TMEM8B: variants seen among roughly 807,000 people sequenced by gnomAD.
TMEM8B encodes nasopharyngeal carcinoma expressed 6.
A neutral mutation model predicts 49.3 loss-of-function variants in TMEM8B; 29 were observed. The ratio of observed to expected loss-of-function variants is 0.59; its 90% CI spans 0.44 to 0.80. The LOEUF is 0.80. Ranked by LOEUF, TMEM8B falls within the 30% of genes least tolerant of loss-of-function variation. TMEM8B has a pLI of 0.00. For missense variants in TMEM8B, 575 were observed against 658.5 expected, an observed-to-expected ratio of 0.87 and a Z score of 1.39; for synonymous variants, 264 against 272.8, an observed-to-expected ratio of 0.97 and a Z score of 0.32.
intron 3 of TMEM8B, among the ~76,000 whole-genome samples, chr9:35,836,673 G>T (rs754605887): frequency 1.3e-5 from 2 of 152,184 alleles, no homozygotes; most frequent in Non-Finnish European, 2.9e-5. Flanking sequence ...TGATTCAAGT[G>T]CCCAGACCAA....
rs1829593757 is a variant in TMEM8B at position 35,829,344 on chromosome 9, G to A, written c.-104G>A. 1 of 365,420 alleles carries A rather than the reference G, an allele frequency of 2.7e-6. No homozygotes were observed. Among genetic ancestry groups the A allele is most frequent in the South Asian group, 1.4e-4 (1 of 7,088 alleles). 22.6% of individuals were successfully genotyped at this position (365,420 alleles called of 1,614,324 possible). A position where few individuals can be genotyped will look rare whatever the true frequency, so the allele number is the denominator to read the frequency against. On this transcript the variant is annotated 5_prime_UTR_variant, in exon 1 of 13. Transcript: ENST00000643932. ...GGTCCCCGGCCCCCGCCCCGGGCCC[G>A]CGAGGACACCGGAGGCCACCCCCCG...
chr9:35,847,823 G>A (rs1831756863), intron 10 of TMEM8B, among the ~76,000 whole-genome samples: 1 of 152,160 alleles, frequency 6.6e-6, no homozygotes, highest in Non-Finnish European at 1.5e-5. Flanking sequence ...TTATAAGCAA[G>A]CGTCCAGAAA....
rs1832528064 is a variant in TMEM8B at position 35,855,973 on chromosome 9, C to T, written c.*2133C>T. The T allele has an allele frequency of 1.3e-5, 2 of 152,102 alleles. No homozygotes were observed. Among genetic ancestry groups the T allele is most frequent in the African/African-American group, 4.8e-5 (2 of 41,394 alleles). The allele number at this position is 152,102 out of a possible 1,614,324, so 9.4% of individuals were successfully genotyped here. A position where few individuals can be genotyped will look rare whatever the true frequency, so the allele number is the denominator to read the frequency against. The stretch of plus-strand genomic sequence containing the variant: ...GCCAGGTCACTGGGATGCTTGAACC[C>T]AAATAGCTGGGATTCTGGACAGAGT... On this transcript the variant is annotated 3_prime_UTR_variant, in exon 13 of 13. Coordinates refer to ENST00000643932, the MANE Select transcript of TMEM8B (RefSeq NM_001042590.4).
At chr9:35,836,515 T>C (rs1411810316) in intron 3 of TMEM8B, among the ~76,000 whole-genome samples, 1 of 152,164 alleles carries the variant, frequency 6.6e-6, no homozygotes, top group African/African-American at 2.4e-5. Flanking sequence ...CCTTTCTAGG[T>C]GAGCAGGAAC....
chr9:35,846,187 G>A (rs1442437248), intron 7 of TMEM8B, 71 bp from the exon 8 acceptor site: 1 of 1,607,560 alleles, frequency 6.2e-7, no homozygotes, highest in Non-Finnish European at 8.5e-7. Context: ...CGGGAAGTGG[G>A]AGCAGGTGGG....
intron 10 of TMEM8B, among the ~76,000 whole-genome samples, chr9:35,848,235 G>A (rs536595734): frequency 1.3e-5 from 2 of 152,300 alleles, no homozygotes; most frequent in African/African-American, 4.8e-5. Context: ...TTTAAGCTGG[G>A]TGAGAAGCAT....
chr9:35,847,206 G>T lies in TMEM8B; in HGVS notation c.2175+211G>T, dbSNP rs768663338. On this transcript the variant is annotated intron_variant, in intron 10 of 12. Coordinates refer to ENST00000643932, the MANE Select transcript of TMEM8B (RefSeq NM_001042590.4). ...TTGGAGTAAATGAACAAAACTGTTT[G>T]CAACTTAATAAAGTAAGTTTGGGCC... 5 of 1,531,768 alleles carry T rather than the reference G, an allele frequency of 3.3e-6. No homozygotes were observed. In the South Asian group the frequency reaches 5.6e-5, roughly 17 times the overall value. The allele number at this position is 1,531,768 out of a possible 1,614,324, so 94.9% of individuals were successfully genotyped here. A position where few individuals can be genotyped will look rare whatever the true frequency, so the allele number is the denominator to read the frequency against.
At chr9:35,839,910 G>A (rs1171555000) in intron 3 of TMEM8B, among the ~76,000 whole-genome samples, 1 of 152,200 alleles carries the variant, frequency 6.6e-6, no homozygotes, top group Non-Finnish European at 1.5e-5. Flanking sequence ...CACTGGGGAT[G>A]CAAAAGGCAC....
intron 6 of TMEM8B, chr9:35,845,328 C>T: frequency 1.1e-6 from 1 of 895,766 alleles, no homozygotes; most frequent in South Asian, 5.1e-5. Flanking sequence ...TTCCCTCAGG[C>T]ATTTATTATA....
At position 35,842,868 on chromosome 9, in the gene TMEM8B, T is replaced by C; in HGVS notation, c.1635+151T>C. On this transcript the variant is annotated intron_variant, in intron 6 of 12. Coordinates refer to ENST00000643932, the MANE Select transcript of TMEM8B (RefSeq NM_001042590.4). The surrounding 1 kb of genome is among the most constrained non-coding windows in gnomAD (Gnocchi z 5.6). ...TAGGGACCATGGCTCAGCCCAATTC[T>C]GGTCAACAAACATGTCCTGAGTATT... 1.3e-6 allele frequency: 1 copy of C among 768,254 alleles called. No individual in the cohort carries two copies. The highest frequency in any genetic ancestry group is 2.0e-6 in the Non-Finnish European group (1 of 496,572). The allele number at this position is 768,254 out of a possible 1,614,324, so 47.6% of individuals were successfully genotyped here. A position where few individuals can be genotyped will look rare whatever the true frequency, so the allele number is the denominator to read the frequency against.
intron 6 of TMEM8B, among the ~76,000 whole-genome samples, chr9:35,843,038 T>C (rs1831178499): frequency 6.6e-6 from 1 of 152,204 alleles, no homozygotes; most frequent in Admixed American, 6.5e-5. Context: ...ATGGGGAGTT[T>C]ACCACCTCTT....
Position 35,829,536 on chromosome 9 carries a change from C to T in TMEM8B, c.89C>T (p.Pro30Leu), listed in dbSNP as rs887741413. 4 of 398,736 alleles carry T rather than the reference C, an allele frequency of 1.0e-5. No homozygotes were observed. The highest frequency in any genetic ancestry group is 8.3e-5 in the African/African-American group (4 of 48,384). The allele number at this position is 398,736 out of a possible 1,614,324, so 24.7% of individuals were successfully genotyped here. A position where few individuals can be genotyped will look rare whatever the true frequency, so the allele number is the denominator to read the frequency against. The change falls in exon 1 of 13, where the codon CCC becomes CTC. Residue 30 changes from proline to leucine, a missense_variant. Physicochemically the swap from Pro to Leu is moderately conservative, Grantham distance 98. Transcript: ENST00000643932. ...CCCTCGCCCCGCTTCCCACATCGGCCCCAGCCCCTGCCTGGGTCCCCATCC... is the reference window on the plus strand; with the variant it reads ...CCCTCGCCCCGCTTCCCACATCGGCTCCAGCCCCTGCCTGGGTCCCCATCC... ...APPSPRFPHR[P>L]QPLPGSPSRT...
chr9:35,845,947 G>T (rs769586157), intron 6 of TMEM8B, 28 bp from the exon 7 acceptor site: 1 of 1,612,056 alleles, frequency 6.2e-7, no homozygotes, highest in African/African-American at 1.3e-5. Context: ...GGATGTGGCG[G>T]CCTCACTTCC....
At chr9:35,837,928 G>A (rs1830596768) in intron 3 of TMEM8B, among the ~76,000 whole-genome samples, 1 of 152,136 alleles carries the variant, frequency 6.6e-6, no homozygotes, top group African/African-American at 2.4e-5. Flanking sequence ...TGAGGGGAAA[G>A]TACTCCCAAA....
In TMEM8B at chr9:35,860,287, G is replaced by A. The variant is rs199720806; in HGVS notation, c.*6447G>A. On this transcript the variant is annotated 3_prime_UTR_variant, in exon 13 of 13. Coordinates refer to ENST00000643932, the MANE Select transcript of TMEM8B (RefSeq NM_001042590.4). Reference sequence around the variant, plus strand: ...AGAAAGATTCATGTTTAAAATGATCGTTTGGAATCCAAAGTGTTTTTGGTC... The same window carrying A: ...AGAAAGATTCATGTTTAAAATGATCATTTGGAATCCAAAGTGTTTTTGGTC... The A allele has an allele frequency of 1.3e-5, 2 of 152,244 alleles. No individual in the cohort carries two copies. Among genetic ancestry groups the A allele is most frequent in the East Asian group, 1.9e-4 (1 of 5,204 alleles). The allele number at this position is 152,244 out of a possible 1,614,324, so 9.4% of individuals were successfully genotyped here.
At position 35,852,959 on chromosome 9, in the gene TMEM8B, C is replaced by T. The variant is rs199761457; in HGVS notation, c.2308C>T (p.Pro770Ser). The change falls in exon 11 of 13, where the codon CCC (proline) becomes TCC (serine). Residue 770 changes from proline (P) to serine (S), a missense_variant. By Grantham distance (74) the Pro-to-Ser change is moderately conservative. Coordinates refer to ENST00000643932, the MANE Select transcript of TMEM8B (RefSeq NM_001042590.4). ...VTVIAMARLQ[P>S]VVKQVLYLLG... ...TGTCATTGCCATGGCTCGTTTACAG[C>T]CCGTGGTCAAGCAGGTCAGTCCAGA... is the stretch of plus-strand genomic sequence containing the variant. 4.3e-6 allele frequency: 7 copies of T among 1,614,156 alleles called. No homozygotes were observed. In the African/African-American group the frequency reaches 9.3e-5, roughly 22 times the overall value.
rs931527997 is a variant in TMEM8B, at chr9:35,859,142, C to T, written c.*5302C>T. ...TCAGGCTGTAAATGATGGGGTTCAG[C>T]GAGGGCGTCACAACCCCGTAGAACA... On this transcript the variant is annotated 3_prime_UTR_variant, in exon 13 of 13. Transcript: ENST00000643932. 2 of 155,776 alleles carry T rather than the reference C, an allele frequency of 1.3e-5. No individual in the cohort carries two copies. The highest frequency in any genetic ancestry group is 2.4e-5 in the African/African-American group (1 of 41,528). 9.6% of individuals were successfully genotyped at this position (155,776 alleles called of 1,614,324 possible).
At chr9:35,834,086 T>G (rs1830199126) in intron 1 of TMEM8B, among the ~76,000 whole-genome samples, 2 of 146,398 alleles carry the variant, frequency 1.4e-5, no homozygotes, top group South Asian at 2.2e-4. Context: ...CACACATCTG[T>G]TTTTTTTAGG....
intron 1 of TMEM8B, among the ~76,000 whole-genome samples, chr9:35,830,872 G>A (rs1829815208): frequency 6.6e-6 from 1 of 152,208 alleles, no homozygotes; most frequent in Non-Finnish European, 1.5e-5. Flanking sequence ...GTTGGAATGT[G>A]GGAGGAGGAG....
Sources: allele counts gnomAD v4.1 joint callset (sites outside exome capture counted in the v4.1 genomes callset), GRCh38; gene constraint gnomAD v4.1.1; non-coding constraint Gnocchi (gnomAD v3.1); transcripts MANE v1.5; gene names NCBI Gene and HGNC (gene_info 2026-07-23, HGNC 2026-07-21).